The following CASK variants were observed in gnomAD, a reference collection of about 807,000 sequenced individuals.
CASK encodes the protein calcium/calmodulin dependent serine protein kinase, also known as peripheral plasma membrane protein CASK.
In CASK, 4 loss-of-function variants were observed where a neutral mutation model predicts 82.9. The ratio of observed to expected loss-of-function variants is 0.05; its 90% CI spans 0.02 to 0.11. The LOEUF (loss-of-function observed/expected upper bound fraction) is 0.11. CASK is among the 10% of genes least tolerant of loss of function. The pLI is 1.00. For synonymous variants in CASK, 259 were observed against 253.5 expected, an observed-to-expected ratio of 1.02 and a Z score of -0.20; for missense variants, 358 against 720.9, an observed-to-expected ratio of 0.50 and a Z score of 5.76.
intron 5 of CASK, chrX:41,728,753 CA>C (rs1221251707): frequency 8.2e-6 from 1 of 122,219 alleles, no homozygotes; most frequent in African/African-American, 3.3e-5. Flanking sequence ...TAAAACAAAA[CA>C]AAAAAATAAA....
chrX:41,710,216 C>T (rs2067951170), intron 5 of CASK, among the ~76,000 whole-genome samples: 1 of 107,036 alleles, frequency 9.3e-6, no homozygotes, highest in South Asian at 4.2e-4. Context: ...TCTTTATCTA[C>T]TTTTGGCTTT....
intron 5 of CASK, among the ~76,000 whole-genome samples, chrX:41,702,962 CTTA>C (rs1332235435): frequency 8.9e-6 from 1 of 111,774 alleles, no homozygotes; most frequent in Non-Finnish European, 1.9e-5. Context: ...GCATCCTACC[CTTA>C]TTAGTTTTGC....
chrX:41,587,110 A>C, intron 13 of CASK, 123 bp from the exon 14 acceptor site: 1 of 476,916 alleles, frequency 2.1e-6, no homozygotes, highest in South Asian at 3.1e-5. Context: ...ATTTTGAAAA[A>C]CTTTTCATTT....
chrX:41,832,350 A>C (rs943245327), intron 2 of CASK, among the ~76,000 whole-genome samples: 3 of 112,046 alleles, frequency 2.7e-5, no homozygotes, highest in Non-Finnish European at 5.6e-5. Context: ...GGCCAGTTCC[A>C]CACCAGTCCA....
intron 5 of CASK, among the ~76,000 whole-genome samples, chrX:41,709,970 G>A: frequency 9.1e-6 from 1 of 110,371 alleles, no homozygotes; most frequent in South Asian, 3.9e-4. Context: ...AGGAAACCTT[G>A]GCCCTAGAAA....
At chrX:41,616,290 T>A (rs2066195653) in intron 11 of CASK, among the ~76,000 whole-genome samples, 1 of 111,919 alleles carries the variant, frequency 8.9e-6, no homozygotes, top group South Asian at 3.7e-4. Context: ...CAGCTCCCAA[T>A]TCTTGAGTGT....
chrX:41,696,186 G>A, intron 5 of CASK: 2 of 1,203,822 alleles, frequency 1.7e-6, no homozygotes, highest in Non-Finnish European at 2.3e-6. Context: ...TGCTCTTGGT[G>A]GATTCCTAAC....
At chrX:41,640,491 C>T (rs778108408) in intron 8 of CASK, among the ~76,000 whole-genome samples, 1 of 111,491 alleles carries the variant, frequency 9.0e-6, no homozygotes, top group East Asian at 2.8e-4. Flanking sequence ...TGTGAGCCAC[C>T]GCACCTGGCC....
intron 11 of CASK, among the ~76,000 whole-genome samples, chrX:41,612,249 A>G (rs2066076457): frequency 9.2e-6 from 1 of 108,261 alleles, no homozygotes; most frequent in African/African-American, 3.4e-5. Context: ...CCATCTAGGA[A>G]GTGAGGAGCG....
chrX:41,733,605 C>T (rs908788111), intron 5 of CASK, among the ~76,000 whole-genome samples: 42 of 108,847 alleles, frequency 3.9e-4, no homozygotes, highest in African/African-American at 1.3e-3. Flanking sequence ...AAAAATTAGC[C>T]GGGCATGGTG....
At chrX:41,850,114 G>A (rs1408249117) in intron 2 of CASK, among the ~76,000 whole-genome samples, 2 of 111,899 alleles carry the variant, frequency 1.8e-5, no homozygotes, top group Non-Finnish European at 3.8e-5. Flanking sequence ...CAAGGAGGTC[G>A]AGGCTGCAAT....
rs1417101554 is a variant in CASK, at chrX:41,813,225, A to T, written c.173-25942T>A. On this transcript the variant is annotated intron_variant, in intron 2 of 26. Coordinates refer to ENST00000378163, the MANE Select transcript of CASK (RefSeq NM_001367721.1). Reference sequence around the variant, plus strand: ...CAAGCTACCAATGACTTTCTTCACGAAATTGGAAAAAACTACTTTAAAGTT... The same window carrying T: ...CAAGCTACCAATGACTTTCTTCACGTAATTGGAAAAAACTACTTTAAAGTT... Among the ~76,000 whole-genome samples the T allele has an allele frequency of 6.3e-5, 7 of 111,659 alleles. No individual in the cohort carries two copies. In the East Asian group the frequency reaches 2.0e-3, roughly 31 times the overall value.
At chrX:41,524,078 ATAAC>A (rs1341439365) in intron 25 of CASK, 44 bp from the exon 26 acceptor site, 1 of 915,491 alleles carries the variant, frequency 1.1e-6, no homozygotes, top group East Asian at 3.2e-5. Context: ...AAAAGAAGAA[ATAAC>A]TAATGTAACT....
chrX:41,890,804 A>C (rs2072152359), intron 1 of CASK, among the ~76,000 whole-genome samples: 1 of 111,335 alleles, frequency 9.0e-6, no homozygotes, highest in Admixed American at 9.5e-5. Flanking sequence ...AACCCCACAA[A>C]TTAAGTTGTC....
intron 15 of CASK, among the ~76,000 whole-genome samples, chrX:41,569,947 T>C (rs2065383477): frequency 9.1e-6 from 1 of 109,839 alleles, no homozygotes; most frequent in Admixed American, 9.8e-5. Context: ...GATTTTTTGA[T>C]TGCTATATAC....
intron 12 of CASK, chrX:41,589,881 G>A (rs1380122327): frequency 6.9e-6 from 2 of 290,962 alleles, no homozygotes; most frequent in African/African-American, 5.4e-5. Flanking sequence ...CAATCACAGT[G>A]TTTGTTTCCT....
chrX:41,812,956 C>T lies in CASK; in HGVS notation c.173-25673G>A, dbSNP rs759662632. On this transcript the variant is annotated intron_variant, in intron 2 of 26. Coordinates refer to ENST00000378163, the MANE Select transcript of CASK (RefSeq NM_001367721.1). ...TTCTTATACACCAATAACAGACAAA[C>T]AGAGAGCCAAATCATGAGTGAACTC... 9.3e-3 allele frequency among the ~76,000 whole-genome samples: 1,035 copies of T among 111,514 alleles called. 15 individuals carry two copies. Among genetic ancestry groups the T allele is most frequent in the African/African-American group, 0.032 (982 of 30,630 alleles).
intron 3 of CASK, among the ~76,000 whole-genome samples, chrX:41,762,389 C>T (rs1329146059): frequency 9.0e-6 from 1 of 111,577 alleles, no homozygotes; most frequent in Non-Finnish European, 1.9e-5. Context: ...GTAATGCCTC[C>T]TAAACTCTTA....
rs2066547294 is a variant in CASK, at chrX:41,636,001, A to G, written c.915+577T>C. On this transcript the variant is annotated intron_variant, in intron 9 of 26. Transcript: ENST00000378163. ...AACCTCCACCTCCCAAGTTCAAGCA[A>G]TTCTCCTGCCTCAGCCTCCCGAGTA... is the stretch of plus-strand genomic sequence containing the variant. 2.9e-5 allele frequency among the ~76,000 whole-genome samples: 3 copies of G among 104,464 alleles called. No homozygotes were observed. The Admixed American group carries it at 3.2e-4, about 11-fold the overall frequency. The allele number at this position is 104,464 out of a possible 115,157, so 90.7% of individuals were successfully genotyped here.
Sources: allele counts gnomAD v4.1 joint callset (sites outside exome capture counted in the v4.1 genomes callset), GRCh38; gene constraint gnomAD v4.1.1; transcripts MANE v1.5; gene names NCBI Gene and HGNC (gene_info 2026-07-23, HGNC 2026-07-21).